NBAS: variants seen among roughly 807,000 people sequenced by gnomAD.
NBAS encodes the protein NAG/BC035112 fusion.
NBAS carries 219 observed loss-of-function variants against 302.5 expected under a neutral mutation model. The observed-to-expected ratio is 0.72, with a 90% CI of 0.65 to 0.81. The LOEUF (loss-of-function observed/expected upper bound fraction) is 0.81, where lower values mean the gene tolerates loss of function less well. NBAS is among the 30% of genes least tolerant of loss of function. The pLI, the probability that NBAS is intolerant of heterozygous loss-of-function variation, is 0.00. For synonymous variants in NBAS, 1,118 were observed against 1,021.6 expected, an observed-to-expected ratio of 1.09 and a Z score of -1.80; for missense variants, 2,932 against 2,841.6, an observed-to-expected ratio of 1.03 and a Z score of -0.72.
chr2:14,923,148 T>C, the NBAS span, among the ~76,000 whole-genome samples: 1 of 152,120 alleles, frequency 6.6e-6, no homozygotes, highest in Non-Finnish European at 1.5e-5. Flanking sequence ...CGAAACTCTG[T>C]CTCAAAAAAA....
intron 11 of NBAS, among the ~76,000 whole-genome samples, chr2:15,498,709 A>G (rs1681165089): frequency 6.6e-6 from 1 of 151,880 alleles, no homozygotes; most frequent in Non-Finnish European, 1.5e-5. Flanking sequence ...TTCTCACAAG[A>G]TCTGATGGTT....
At chr2:15,361,733 C>T (rs1673936008) in intron 32 of NBAS, among the ~76,000 whole-genome samples, 1 of 151,652 alleles carries the variant, frequency 6.6e-6, no homozygotes, top group Admixed American at 6.6e-5. Flanking sequence ...AATCCCAGCA[C>T]TTTGGGAGGC....
the NBAS span, among the ~76,000 whole-genome samples, chr2:15,093,433 G>A: frequency 6.6e-6 from 1 of 152,038 alleles, no homozygotes; most frequent in Non-Finnish European, 1.5e-5. Context: ...AAAATAAAAA[G>A]GGCACTATTG....
intron 48 of NBAS, among the ~76,000 whole-genome samples, chr2:15,209,554 G>A (rs921962949): frequency 6.6e-6 from 1 of 151,874 alleles, no homozygotes; most frequent in Admixed American, 6.6e-5. Flanking sequence ...ACTACCCAAA[G>A]CAATGTACAG....
At chr2:15,377,104 A>G (rs546012965) in intron 30 of NBAS, among the ~76,000 whole-genome samples, 5 of 152,324 alleles carry the variant, frequency 3.3e-5, no homozygotes, top group Admixed American at 6.5e-5. Context: ...GCAATTGGAA[A>G]GATAAATCAT....
the NBAS span, among the ~76,000 whole-genome samples, chr2:14,844,136 G>A: frequency 0.21 from 32,486 of 152,010 alleles, 5,653 homozygotes; most frequent in African/African-American, 0.48. Context: ...TGACTACAAA[G>A]AAGATACCTT....
chr2:15,197,519 T>C (rs1346200054), intron 48 of NBAS, among the ~76,000 whole-genome samples: 1 of 152,156 alleles, frequency 6.6e-6, no homozygotes, highest in Non-Finnish European at 1.5e-5. Flanking sequence ...GAGATGACCA[T>C]TCAATTTGTG....
intron 32 of NBAS, among the ~76,000 whole-genome samples, chr2:15,361,937 G>A (rs1018628851): frequency 6.6e-6 from 1 of 151,164 alleles, no homozygotes; most frequent in Admixed American, 6.6e-5. Flanking sequence ...CTGAGATCGT[G>A]CCATTGTACT....
In NBAS at chr2:15,292,908, C is replaced by A; in HGVS notation, c.4798-142G>T. 3 of 844,518 alleles carry A rather than the reference C, an allele frequency of 3.6e-6. 1 individual carries two copies. The Middle Eastern group carries it at 6.7e-4, about 189-fold the overall frequency. 52.3% of individuals were successfully genotyped at this position (844,518 alleles called of 1,614,324 possible). A position where few individuals can be genotyped will look rare whatever the true frequency, so the allele number is the denominator to read the frequency against. ...CCATTTCATAAGGCTCACAACGGCCCTGAAAAGTCAGTTGCAGAAGTGGCA... is the reference window on the plus strand; with the variant it reads ...CCATTTCATAAGGCTCACAACGGCCATGAAAAGTCAGTTGCAGAAGTGGCA... On this transcript the variant is annotated intron_variant, in intron 40 of 51. Transcript: ENST00000281513.
At chr2:15,534,756 G>A in intron 8 of NBAS, 115 bp from the exon 9 acceptor site, 1 of 825,596 alleles carries the variant, frequency 1.2e-6, no homozygotes, top group South Asian at 1.4e-5. Context: ...TATTGCTGAG[G>A]ATATAAAACA....
At chr2:15,199,144 A>AAG (rs1321321686) in intron 48 of NBAS, among the ~76,000 whole-genome samples, 1 of 151,710 alleles carries the variant, frequency 6.6e-6, no homozygotes, top group Non-Finnish European at 1.5e-5. Context: ...AAAAAAAAAA[A>AAG]AGAGTTAGAA....
At chr2:15,355,548 T>A (rs112837623) in intron 33 of NBAS, among the ~76,000 whole-genome samples, 5 of 152,192 alleles carry the variant, frequency 3.3e-5, no homozygotes, top group Admixed American at 2.6e-4. Flanking sequence ...CCAAACCTCA[T>A]GTTGAAATGT....
At chr2:14,993,327 C>T in the NBAS span, among the ~76,000 whole-genome samples, 26,678 of 152,078 alleles carry the variant, frequency 0.18, 3,144 homozygotes, top group Non-Finnish European at 0.27. Context: ...TTCATTTCTA[C>T]CACATCCAAG....
the NBAS span, among the ~76,000 whole-genome samples, chr2:15,108,368 TCAAA>T: frequency 2.7e-3 from 404 of 152,184 alleles, 1 homozygote; most frequent in African/African-American, 9.1e-3. Context: ...TTATCTAAGA[TCAAA>T]CAGCCAATAA....
chr2:15,305,450 T>C (rs146529964), intron 40 of NBAS, among the ~76,000 whole-genome samples: 9,101 of 65,828 alleles, frequency 0.14, 383 homozygotes, highest in Admixed American at 0.22. Context: ...TCTCGAGCAG[T>C]TTTTTTTTTT....
the NBAS span, among the ~76,000 whole-genome samples, chr2:15,148,197 T>C: frequency 2.0e-5 from 3 of 152,206 alleles, no homozygotes; most frequent in Non-Finnish European, 4.4e-5. Context: ...CAACCCAAGA[T>C]GACTTTGATT....
chr2:15,262,307 C>T (rs932517273), intron 44 of NBAS, among the ~76,000 whole-genome samples: 2 of 152,134 alleles, frequency 1.3e-5, no homozygotes, highest in East Asian at 3.8e-4. Context: ...AAACTGGCTC[C>T]GTGATGAAGC....
chr2:14,819,283 C>A, the NBAS span, among the ~76,000 whole-genome samples: 247 of 152,310 alleles, frequency 1.6e-3, no homozygotes, highest in African/African-American at 5.3e-3. Context: ...TTTCTCTCTG[C>A]AAATCCTACT....
chr2:15,227,414 T>C (rs1185565606), intron 47 of NBAS, among the ~76,000 whole-genome samples: 1 of 151,842 alleles, frequency 6.6e-6, no homozygotes, highest in Non-Finnish European at 1.5e-5. Flanking sequence ...TGTTAAAACA[T>C]CCATAATACC....
Sources: gnomAD v4.1 joint callset for allele counts (sites outside exome capture counted in the v4.1 genomes callset) on GRCh38, gnomAD v4.1.1 for gene constraint, MANE v1.5 for transcripts, NCBI Gene and HGNC (gene_info 2026-07-23, HGNC 2026-07-21) for gene names.